Variants in ARB2A observed in about 807,000 individuals in gnomAD.
The protein encoded by ARB2A is cotranscriptional regulator ARB2A.
At chr5:93,922,092 G>T in the ARB2A span, among the ~76,000 whole-genome samples, 2 of 152,074 alleles carry the variant, frequency 1.3e-5, no homozygotes, top group African/African-American at 4.8e-5. Context: ...GAACCCTGAT[G>T]AAAGATTATG....
the ARB2A span, among the ~76,000 whole-genome samples, chr5:93,812,340 G>A: frequency 1.3e-5 from 2 of 151,938 alleles, no homozygotes; most frequent in Admixed American, 6.6e-5. Flanking sequence ...TAATATATAG[G>A]CCACTGATCT....
chr5:93,998,661 C>G, the ARB2A span, among the ~76,000 whole-genome samples: 133 of 151,996 alleles, frequency 8.8e-4, no homozygotes, highest in African/African-American at 3.1e-3. Flanking sequence ...TTCATCTAAT[C>G]TAGGAAATGC....
At chr5:93,855,550 G>C in the ARB2A span, among the ~76,000 whole-genome samples, 1 of 152,136 alleles carries the variant, frequency 6.6e-6, no homozygotes, top group Non-Finnish European at 1.5e-5. Context: ...TTTCTTCCTA[G>C]CCTTGATGGT....
the ARB2A span, among the ~76,000 whole-genome samples, chr5:93,725,784 A>T: frequency 6.6e-6 from 1 of 152,112 alleles, no homozygotes; most frequent in African/African-American, 2.4e-5. Flanking sequence ...AATTGGTTGT[A>T]CCAGAAGATA....
chr5:93,857,172 T>G, the ARB2A span, among the ~76,000 whole-genome samples: 2 of 152,130 alleles, frequency 1.3e-5, no homozygotes, highest in Non-Finnish European at 2.9e-5. Flanking sequence ...CCCGGCTGTG[T>G]GAGGTGTCAG....
the ARB2A span, among the ~76,000 whole-genome samples, chr5:94,074,399 T>C: frequency 4.6e-5 from 7 of 152,234 alleles, no homozygotes; most frequent in Non-Finnish European, 1.0e-4. Flanking sequence ...ATTAAATGTA[T>C]GACATTGAGT....
the ARB2A span, among the ~76,000 whole-genome samples, chr5:93,794,993 G>A: frequency 1.1e-4 from 17 of 152,326 alleles, no homozygotes; most frequent in South Asian, 6.2e-4. Context: ...TACTCAGGCG[G>A]TGGGCAGGGC....
chr5:93,822,859 A>T, the ARB2A span, among the ~76,000 whole-genome samples: 3 of 152,282 alleles, frequency 2.0e-5, no homozygotes, highest in East Asian at 5.8e-4. Context: ...GATTTAACTT[A>T]ACGATTTATT....
chr5:93,778,371 C>T, the ARB2A span, among the ~76,000 whole-genome samples: 1 of 152,146 alleles, frequency 6.6e-6, no homozygotes, highest in Non-Finnish European at 1.5e-5. Flanking sequence ...TACAATGTGA[C>T]ACTTGCTTGT....
chr5:93,709,659 C>CATAA, the ARB2A span, among the ~76,000 whole-genome samples: 1 of 131,682 alleles, frequency 7.6e-6, no homozygotes, highest in African/African-American at 3.0e-5. Context: ...AAAAAAAAAC[C>CATAA]ATAAATAAAT....
At chr5:93,955,710 C>G in the ARB2A span, among the ~76,000 whole-genome samples, 1 of 152,302 alleles carries the variant, frequency 6.6e-6, no homozygotes, top group East Asian at 1.9e-4. Flanking sequence ...TTCTACATTT[C>G]CCCTTATAGC....
At chr5:93,736,379 T>A in the ARB2A span, 1 of 152,224 alleles carries the variant, frequency 6.6e-6, no homozygotes, top group South Asian at 2.1e-4. Context: ...AAGTGCAGCA[T>A]TAATATTTAC....
At chr5:94,013,776 T>C in the ARB2A span, among the ~76,000 whole-genome samples, 1 of 151,820 alleles carries the variant, frequency 6.6e-6, no homozygotes, top group Non-Finnish European at 1.5e-5. Flanking sequence ...CAAAAACAAA[T>C]ACACAGCACT....
chr5:94,006,043 G>C, the ARB2A span, among the ~76,000 whole-genome samples: 1 of 152,112 alleles, frequency 6.6e-6, no homozygotes, highest in African/African-American at 2.4e-5. Context: ...ATTTATTCCA[G>C]ATAAATATAC....
the ARB2A span, among the ~76,000 whole-genome samples, chr5:93,646,552 C>T: frequency 6.6e-6 from 1 of 151,986 alleles, no homozygotes; most frequent in Non-Finnish European, 1.5e-5. Context: ...TAAAATTGCT[C>T]TTTTCAGCCA....
At chr5:94,096,985 G>A in the ARB2A span, among the ~76,000 whole-genome samples, 88 of 152,320 alleles carry the variant, frequency 5.8e-4, no homozygotes, top group Middle Eastern at 3.4e-3. Flanking sequence ...GACCCCCATG[G>A]ACACTTGAGC....
the ARB2A span, chr5:93,621,086 A>T: frequency 6.2e-7 from 1 of 1,612,436 alleles, no homozygotes; most frequent in South Asian, 1.1e-5. Flanking sequence ...ATTTGAAAAT[A>T]GACGGAAAGC....
At chr5:93,932,759 A>G in the ARB2A span, among the ~76,000 whole-genome samples, 1 of 152,220 alleles carries the variant, frequency 6.6e-6, no homozygotes, top group Non-Finnish European at 1.5e-5. Flanking sequence ...TTCAACAATC[A>G]CTATGTGCCC....
At chr5:93,824,155 ACAAAAG>A in the ARB2A span, 2 of 1,584,828 alleles carry the variant, frequency 1.3e-6, no homozygotes, top group Non-Finnish European at 1.7e-6. Flanking sequence ...TACCAGTTCA[ACAAAAG>A]CAAGTCCTCC....
Sources: allele counts gnomAD v4.1 joint callset (sites outside exome capture counted in the v4.1 genomes callset), GRCh38; gene constraint gnomAD v4.1.1; transcripts MANE v1.5; gene names NCBI Gene and HGNC (gene_info 2026-07-23, HGNC 2026-07-21).